Variants in PTPRB observed in about 807,000 individuals in gnomAD.
PTPRB encodes the protein receptor-type tyrosine-protein phosphatase beta.
In PTPRB, 97 loss-of-function variants were observed where a neutral mutation model predicts 238.1. The observed-to-expected ratio is 0.41, with a 90% CI of 0.35 to 0.48. The LOEUF is 0.48. Ranked by LOEUF, PTPRB falls within the 20% of genes least tolerant of loss-of-function variation. The pLI is 0.30. For missense variants in PTPRB, 2,292 were observed against 2,681.9 expected (o/e 0.85, Z 3.21); for synonymous variants, 970 against 995.4 (o/e 0.97, Z 0.48).
intron 3 of PTPRB, chr12:70,609,974 CGCT>C: frequency 1.0e-4 from 48 of 469,366 alleles, no homozygotes; most frequent in Middle Eastern, 1.3e-3. Flanking sequence ...CTGCGGCCAC[CGCT>C]GCTGCTGCTG....
At position 70,560,663 on chromosome 12, in the gene PTPRB, C is replaced by T. The variant is rs112211148; in HGVS notation, c.4432+8G>A. ...CATCCCTTGGCCATTGGCACCTGGG[C>T]TTCTCACCTGTTCTGCTCTCCGCTG... On this transcript the variant is annotated splice_region_variant and intron_variant, in intron 17 of 33. Coordinates refer to ENST00000334414, the MANE Select transcript of PTPRB (RefSeq NM_001109754.4). The surrounding 1 kb of genome is among the most constrained non-coding windows in gnomAD (Gnocchi z 4.2). 2 of 1,612,646 alleles carry T rather than the reference C, an allele frequency of 1.2e-6. No homozygotes were observed. Among genetic ancestry groups the T allele is most frequent in the Middle Eastern group, 1.7e-4 (1 of 5,832 alleles).
chr12:70,532,816 A>C (rs892810259), intron 31 of PTPRB, among the ~76,000 whole-genome samples: 4 of 152,030 alleles, frequency 2.6e-5, no homozygotes, highest in Admixed American at 1.3e-4. Context: ...TAATTAAAAA[A>C]AAAGACTTGT....
chr12:70,562,532 C>T (rs758748389), intron 16 of PTPRB, among the ~76,000 whole-genome samples: 2 of 152,012 alleles, frequency 1.3e-5, no homozygotes, highest in South Asian at 2.1e-4. Context: ...GGGTGTAGCT[C>T]GAATTAAACT....
chr12:70,633,699 T>C (rs1156984188), intron 2 of PTPRB, among the ~76,000 whole-genome samples: 1 of 152,176 alleles, frequency 6.6e-6, no homozygotes, highest in Non-Finnish European at 1.5e-5. Context: ...TGTTCAGTGG[T>C]TAATTGCAAA....
At chr12:70,584,122 A>G (rs1881648241) in intron 9 of PTPRB, among the ~76,000 whole-genome samples, 1 of 152,324 alleles carries the variant, frequency 6.6e-6, no homozygotes, top group Non-Finnish European at 1.5e-5. Flanking sequence ...AAAAGTGAAC[A>G]TAACAATTAA....
rs759383513 is a variant in PTPRB at position 70,532,027 on chromosome 12, ACT to A, written c.6504+6_6504+7del. Reference sequence around the variant, plus strand: ...GGTGGCCTGTAACTTTCAGTCTATAACTCTTACCTCAGTCTGGACCATGTGAA... The same window carrying A: ...GGTGGCCTGTAACTTTCAGTCTATAACTTACCTCAGTCTGGACCATGTGAA... On this transcript the variant is annotated splice_donor_region_variant and intron_variant, in intron 32 of 33. Transcript: ENST00000334414. 6.2e-7 allele frequency: 1 copy of A among 1,613,618 alleles called. No homozygotes were observed. Among genetic ancestry groups the A allele is most frequent in the Non-Finnish European group, 8.5e-7 (1 of 1,179,848 alleles).
At chr12:70,571,462 G>C in intron 12 of PTPRB, 173 bp from the exon 13 acceptor site, 1 of 687,390 alleles carries the variant, frequency 1.5e-6, no homozygotes, top group Non-Finnish European at 2.4e-6. Context: ...TATTAACATT[G>C]TGGTTTTTTC....
In PTPRB at chr12:70,552,210, A is replaced by T. The variant is rs763738828; in HGVS notation, c.5387+567T>A. Reference sequence around the variant, plus strand: ...TTAGAAAGTTGTAGAAGGGCCAGGCATGGTGGCTCACACCTGTAATCCCAG... The same window carrying T: ...TTAGAAAGTTGTAGAAGGGCCAGGCTTGGTGGCTCACACCTGTAATCCCAG... On this transcript the variant is annotated intron_variant, in intron 21 of 33. Coordinates refer to ENST00000334414, the MANE Select transcript of PTPRB (RefSeq NM_001109754.4). Among the ~76,000 whole-genome samples, 99 of 152,308 alleles carry T rather than the reference A, an allele frequency of 6.5e-4. 2 individuals are homozygous for T. The highest frequency in any genetic ancestry group is 2.9e-4 in the Non-Finnish European group (20 of 68,016).
chr12:70,595,146 C>A (rs562448030), intron 5 of PTPRB, among the ~76,000 whole-genome samples: 1 of 152,210 alleles, frequency 6.6e-6, no homozygotes, highest in South Asian at 2.1e-4. Context: ...ATGTCCTTTG[C>A]AGGGACATGG....
chr12:70,612,030 A>G (rs1225418550), intron 3 of PTPRB, among the ~76,000 whole-genome samples: 1 of 152,182 alleles, frequency 6.6e-6, no homozygotes, highest in African/African-American at 2.4e-5. Flanking sequence ...CTCTTGCTGT[A>G]TTTAGATAAC....
Position 70,622,746 on chromosome 12 carries a change from T to C in PTPRB, c.452-100A>G, listed in dbSNP as rs372570706. On this transcript the variant is annotated intron_variant, in intron 2 of 33. Coordinates refer to ENST00000334414, the MANE Select transcript of PTPRB (RefSeq NM_001109754.4). ...TAGCAAAAGAGGGCCTTTTCAATAA[T>C]GGGCATGTGGATAAGCTTCAGTTAT... The C allele has an allele frequency of 3.8e-5, 50 of 1,329,214 alleles. No individual in the cohort carries two copies. The South Asian group carries it at 7.1e-4, about 19-fold the overall frequency. The allele number at this position is 1,329,214 out of a possible 1,614,324, so 82.3% of individuals were successfully genotyped here. A position where few individuals can be genotyped will look rare whatever the true frequency, so the allele number is the denominator to read the frequency against.
chr12:70,562,966 T>G lies in PTPRB; in HGVS notation c.4046A>C (p.Gln1349Pro). ...GAAGCTCTGGACTAGTGGGTCAACT[T>G]GAGCTCTCTCCTGGAGATTCCCATC... Reference protein sequence around the residue: ...NPDGNLQERAQVDPLVQSFSF... With the variant: ...NPDGNLQERAPVDPLVQSFSF... The change falls in exon 16 of 34, where the codon CAA (glutamine) becomes CCA (proline). Residue 1349 changes from glutamine (Q) to proline (P), a missense_variant. Gln to Pro is a moderately conservative substitution (Grantham distance 76). Coordinates refer to ENST00000334414, the MANE Select transcript of PTPRB (RefSeq NM_001109754.4). The G allele has an allele frequency of 6.2e-7, 1 of 1,614,026 alleles. No homozygotes were observed. The highest frequency in any genetic ancestry group is 8.5e-7 in the Non-Finnish European group (1 of 1,179,892).
intron 3 of PTPRB, among the ~76,000 whole-genome samples, chr12:70,613,882 G>A (rs895187265): frequency 1.3e-5 from 2 of 152,072 alleles, no homozygotes; most frequent in African/African-American, 2.4e-5. Flanking sequence ...TAGAATGAAT[G>A]TTTAGAATCT....
At chr12:70,574,437 G>A (rs886800833) in intron 11 of PTPRB, among the ~76,000 whole-genome samples, 1 of 152,184 alleles carries the variant, frequency 6.6e-6, no homozygotes, top group African/African-American at 2.4e-5. Flanking sequence ...GTTAAGGAGA[G>A]GAAATTATGA....
chr12:70,611,462 T>TG (rs200541091), intron 3 of PTPRB, among the ~76,000 whole-genome samples: 4,374 of 152,092 alleles, frequency 0.029, 96 homozygotes, highest in Non-Finnish European at 0.042. Context: ...CTAATTTTTT[T>TG]TGTGTGTGTG....
In PTPRB at chr12:70,584,209, T is replaced by C. The variant is rs1867004; in HGVS notation, c.2311+2798A>G. ...GAATTAATGAAATGAATCAAAGATATGAGAAAGTTACCTATACTGTAGTTC... is the reference window on the plus strand; with the variant it reads ...GAATTAATGAAATGAATCAAAGATACGAGAAAGTTACCTATACTGTAGTTC... On this transcript the variant is annotated intron_variant, in intron 9 of 33. Transcript: ENST00000334414. Among the ~76,000 whole-genome samples, 492 of 152,220 alleles carry C rather than the reference T, an allele frequency of 3.2e-3. 6 individuals are homozygous for C. The highest frequency in any genetic ancestry group is 0.012 in the African/African-American group (478 of 41,528).
chr12:70,528,194 GGT>G (rs1872679356), intron 32 of PTPRB, among the ~76,000 whole-genome samples: 1 of 152,178 alleles, frequency 6.6e-6, no homozygotes, highest in Non-Finnish European at 1.5e-5. Context: ...TTCTGGCCCA[GGT>G]GGGTAAACCT....
At position 70,536,086 on chromosome 12, in the gene PTPRB, A is replaced by G. The variant is rs1364782082; in HGVS notation, c.6020T>C (p.Met2007Thr). 17 of 1,613,878 alleles carry G rather than the reference A, an allele frequency of 1.1e-5. No individual in the cohort carries two copies. The highest frequency in any genetic ancestry group is 1.4e-5 in the Non-Finnish European group (17 of 1,179,816). Residue 2007 changes from methionine to threonine, a missense_variant, in exon 29 of 34, where the codon ATG becomes ACG. Met to Thr is a moderately conservative substitution (Grantham distance 81, BLOSUM62 -1). Around this residue, in one of 4 missense-constraint regions of PTPRB, gnomAD observed 397 missense variants for 502.0 expected, o/e 0.79. Coordinates refer to ENST00000334414, the MANE Select transcript of PTPRB (RefSeq NM_001109754.4). ...LPGTKDDFWK[M>T]VWEQNVHNIV... The stretch of plus-strand genomic sequence containing the variant: ...GTTGTGAACGTTTTGTTCCCACACC[A>G]TTTTCCAGAAGTCATCCTTGGTGCC...
chr12:70,552,492 A>AAAAT, intron 21 of PTPRB, among the ~76,000 whole-genome samples: 1 of 145,988 alleles, frequency 6.8e-6, no homozygotes, highest in Admixed American at 6.7e-5. Flanking sequence ...TCAAAAAAAA[A>AAAAT]AAAAAAAATA....
Sources: allele counts gnomAD v4.1 joint callset (sites outside exome capture counted in the v4.1 genomes callset), GRCh38; gene constraint gnomAD v4.1.1; regional missense constraint gnomAD v4.1.1; non-coding constraint Gnocchi (gnomAD v3.1); transcripts MANE v1.5; gene names NCBI Gene and HGNC (gene_info 2026-07-23, HGNC 2026-07-21).